SNX29: variants seen among roughly 807,000 people sequenced by gnomAD.
SNX29 encodes the protein sorting nexin 29.
SNX29 carries 78 observed loss-of-function variants against 102.1 expected under a neutral mutation model. That is an observed-to-expected ratio of 0.76 (90% CI 0.64 to 0.92). The LOEUF is 0.92. Among genes scored for constraint, SNX29 ranks in the 40% least tolerant of loss-of-function variants. The probability of loss-of-function intolerance (pLI) is 0.00; values close to 1 mark genes in which losing one functional copy is unlikely to be tolerated. For synonymous variants in SNX29, 580 were observed against 414.5 expected (o/e 1.40, Z -4.85); for missense variants, 1,280 against 1,061.7 (o/e 1.21, Z -2.86).
At chr16:12,005,954 A>G (rs2056437196) in intron 3 of SNX29, among the ~76,000 whole-genome samples, 1 of 152,240 alleles carries the variant, frequency 6.6e-6, no homozygotes, top group Admixed American at 6.5e-5. Context: ...CCTTTGTTAT[A>G]GAAAATGTTC....
intron 14 of SNX29, among the ~76,000 whole-genome samples, chr16:12,213,207 A>G (rs1567318212): frequency 6.6e-6 from 1 of 152,216 alleles, no homozygotes; most frequent in South Asian, 2.1e-4. Flanking sequence ...ACTAGAGGCC[A>G]TCATCCTAAG....
rs138004415 is a variant in SNX29 at position 12,253,946 on chromosome 16, C to G, written c.1679-23987C>G. On this transcript the variant is annotated intron_variant, in intron 14 of 20. Transcript: ENST00000566228. The stretch of plus-strand genomic sequence containing the variant: ...GTGAGAATGGTAAGAAGTGGCCTGC[C>G]CCTGGCCTTATGTGGATGCTGGAGC... 2.7e-3 allele frequency among the ~76,000 whole-genome samples: 411 copies of G among 152,146 alleles called. 2 individuals carry two copies. Among genetic ancestry groups the G allele is most frequent in the African/African-American group, 9.1e-3 (376 of 41,512 alleles).
intron 13 of SNX29, among the ~76,000 whole-genome samples, chr16:12,187,142 A>G (rs1007108512): frequency 5.9e-5 from 9 of 152,232 alleles, no homozygotes; most frequent in Admixed American, 3.9e-4. Flanking sequence ...GTCCTGGACA[A>G]TGGGCACACA....
chr16:12,035,204 CTTTTTT>C (rs3971431), intron 4 of SNX29, among the ~76,000 whole-genome samples: 1 of 135,310 alleles, frequency 7.4e-6, no homozygotes, highest in Non-Finnish European at 1.6e-5. Context: ...AGAAATTTCC[CTTTTTT>C]TTTTTTTTTT....
chr16:12,137,177 G>A (rs1009819543), intron 13 of SNX29, among the ~76,000 whole-genome samples: 1 of 152,178 alleles, frequency 6.6e-6, no homozygotes, highest in Admixed American at 6.5e-5. Context: ...TTGTTGGGAC[G>A]GTTACATCAG....
At chr16:12,488,217 C>G (rs1308072554) in intron 19 of SNX29, among the ~76,000 whole-genome samples, 3 of 152,022 alleles carry the variant, frequency 2.0e-5, no homozygotes, top group Non-Finnish European at 4.4e-5. Flanking sequence ...CTGTTCCCAT[C>G]CTGCATATTT....
chr16:12,452,625 C>G (rs1197747093), intron 18 of SNX29, among the ~76,000 whole-genome samples: 1 of 62,360 alleles, frequency 1.6e-5, no homozygotes, highest in Non-Finnish European at 3.2e-5. Context: ...ATTTTCTCTC[C>G]TTCTTCAGTG....
At chr16:12,338,370 C>G (rs1029212983) in intron 15 of SNX29, among the ~76,000 whole-genome samples, 2 of 152,154 alleles carry the variant, frequency 1.3e-5, no homozygotes, top group African/African-American at 4.8e-5. Context: ...GGAAGCTCAT[C>G]GGGGATCAGA....
rs190896707 is a variant in SNX29, at chr16:12,105,846, C to T, written c.1403-20787C>T. Among the ~76,000 whole-genome samples the T allele has an allele frequency of 4.0e-4, 61 of 152,098 alleles. 1 individual carries two copies. The East Asian group carries it at 8.1e-3, about 20-fold the overall frequency. ...AGAGATCTGCAAAGCTCTTTTTGGG[C>T]GAATATTAAGTTTGGTGAATGAGTG... On this transcript the variant is annotated intron_variant, in intron 11 of 20. Coordinates refer to ENST00000566228, the MANE Select transcript of SNX29 (RefSeq NM_032167.5).
chr16:12,108,418 C>T (rs1265645641), intron 11 of SNX29, among the ~76,000 whole-genome samples: 1 of 152,166 alleles, frequency 6.6e-6, no homozygotes, highest in Non-Finnish European at 1.5e-5. Context: ...AGAACCAAGT[C>T]AGCAGGTGCA....
intron 18 of SNX29, among the ~76,000 whole-genome samples, chr16:12,445,759 C>A (rs545246269): frequency 6.6e-6 from 1 of 152,182 alleles, no homozygotes; most frequent in South Asian, 2.1e-4. Context: ...CTCAGCATGG[C>A]GTCTACTGTA....
intron 18 of SNX29, among the ~76,000 whole-genome samples, chr16:12,450,659 A>G (rs2086262799): frequency 6.6e-6 from 1 of 152,184 alleles, no homozygotes; most frequent in Admixed American, 6.5e-5. Flanking sequence ...GTGCAATATG[A>G]ACCAGGTGGC....
At chr16:12,562,238 G>A (rs921195160) in intron 20 of SNX29, among the ~76,000 whole-genome samples, 1 of 152,140 alleles carries the variant, frequency 6.6e-6, no homozygotes, top group Non-Finnish European at 1.5e-5. Context: ...CAGAAGTGAA[G>A]GGCGAGGGCA....
chr16:12,468,977 A>G (rs2087207532), intron 18 of SNX29, among the ~76,000 whole-genome samples: 1 of 152,220 alleles, frequency 6.6e-6, no homozygotes, highest in South Asian at 2.1e-4. Flanking sequence ...ATGGGCTGAA[A>G]TGGAGTGAAC....
intron 19 of SNX29, among the ~76,000 whole-genome samples, chr16:12,494,573 A>G (rs914748710): frequency 7.9e-5 from 12 of 152,194 alleles, no homozygotes; most frequent in African/African-American, 2.7e-4. Context: ...CTGGCAGTAC[A>G]GGGCCCAATC....
intron 20 of SNX29, among the ~76,000 whole-genome samples, chr16:12,530,342 G>C (rs910470132): frequency 6.6e-6 from 1 of 152,130 alleles, no homozygotes; most frequent in Non-Finnish European, 1.5e-5. Flanking sequence ...ATTGTGGGGA[G>C]CAGATATTTT....
At chr16:12,531,388 T>C (rs2076928410) in intron 20 of SNX29, among the ~76,000 whole-genome samples, 1 of 151,920 alleles carries the variant, frequency 6.6e-6, no homozygotes, top group African/African-American at 2.4e-5. Context: ...GATTGGGCGA[T>C]GGGCTAGGGT....
At chr16:12,328,326 A>G (rs934236051) in intron 15 of SNX29, among the ~76,000 whole-genome samples, 2 of 152,260 alleles carry the variant, frequency 1.3e-5, no homozygotes, top group Non-Finnish European at 2.9e-5. Context: ...TATTGTAGCA[A>G]CTAACTTGAA....
chr16:12,303,631 C>T (rs1255457035), intron 15 of SNX29, among the ~76,000 whole-genome samples: 2 of 152,226 alleles, frequency 1.3e-5, no homozygotes, highest in East Asian at 3.8e-4. Flanking sequence ...AGAGGGCCAG[C>T]ATTGGAGAGA....
Sources: allele counts gnomAD v4.1 joint callset (sites outside exome capture counted in the v4.1 genomes callset), GRCh38; gene constraint gnomAD v4.1.1; transcripts MANE v1.5; gene names NCBI Gene and HGNC (gene_info 2026-07-23, HGNC 2026-07-21).